The following ARSG variants were observed in gnomAD, a reference collection of about 807,000 sequenced individuals.
The protein encoded by ARSG is arylsulfatase G, also known as ASG.
In ARSG, 37 loss-of-function variants were observed where a neutral mutation model predicts 50.5. The ratio of observed to expected loss-of-function variants is 0.73; its 90% CI spans 0.56 to 0.96. ARSG has a LOEUF of 0.96. ARSG is among the 50% of genes least tolerant of loss of function. The pLI, the probability that ARSG is intolerant of heterozygous loss-of-function variation, is 0.00. For missense variants in ARSG, 629 were observed against 675.3 expected (o/e 0.93, Z 0.76); for synonymous variants, 225 against 254.6 (o/e 0.88, Z 1.11).
At chr17:68,407,898 T>G (rs1255125910) in intron 11 of ARSG, among the ~76,000 whole-genome samples, 1 of 152,126 alleles carries the variant, frequency 6.6e-6, no homozygotes, top group Non-Finnish European at 1.5e-5. Context: ...GGCTAGGACT[T>G]CCAGTAGTAT....
the ARSG span, among the ~76,000 whole-genome samples, chr17:68,434,306 G>T: frequency 1.8e-4 from 28 of 152,284 alleles, 1 homozygote; most frequent in African/African-American, 6.7e-4. Flanking sequence ...CATTTCTCCT[G>T]TGCCGGCCGC....
intron 1 of ARSG, among the ~76,000 whole-genome samples, chr17:68,272,963 G>T (rs1555749563): frequency 6.6e-6 from 1 of 151,554 alleles, no homozygotes; most frequent in African/African-American, 2.4e-5. Context: ...TTCAGTGGTT[G>T]TTTGGGATAC....
At chr17:68,269,830 T>C (rs2144927641) in intron 1 of ARSG, among the ~76,000 whole-genome samples, 1 of 152,078 alleles carries the variant, frequency 6.6e-6, no homozygotes, top group African/African-American at 2.4e-5. Flanking sequence ...TCTGCCACCA[T>C]GCCCAGCTAC....
At chr17:68,299,937 CTTTTTT>C (rs34778190) in intron 1 of ARSG, among the ~76,000 whole-genome samples, 1 of 137,992 alleles carries the variant, frequency 7.2e-6, no homozygotes, top group Non-Finnish European at 1.5e-5. Flanking sequence ...TTTGGTATTG[CTTTTTT>C]TTTTTTTTTT....
chr17:68,283,356 T>C (rs1270418416), intron 1 of ARSG, among the ~76,000 whole-genome samples: 1 of 151,066 alleles, frequency 6.6e-6, no homozygotes, highest in African/African-American at 2.4e-5. Flanking sequence ...CCGTCTCTAC[T>C]AAAAATACAA....
At chr17:68,277,618 T>C (rs952571213) in intron 1 of ARSG, among the ~76,000 whole-genome samples, 41 of 152,012 alleles carry the variant, frequency 2.7e-4, no homozygotes, top group Admixed American at 5.2e-4. Flanking sequence ...TCAGTAGAGA[T>C]GGGGTTTCGC....
chr17:68,417,522 A>G (rs2082448087), intron 11 of ARSG, among the ~76,000 whole-genome samples: 1 of 151,816 alleles, frequency 6.6e-6, no homozygotes, highest in African/African-American at 2.4e-5. Context: ...TTCATCTCTC[A>G]GACTTGTCCA....
At chr17:68,313,775 T>G (rs1599678579) in intron 2 of ARSG, among the ~76,000 whole-genome samples, 1 of 147,590 alleles carries the variant, frequency 6.8e-6, no homozygotes, top group South Asian at 2.2e-4. Flanking sequence ...CGCCTCCGGG[T>G]TCAAGCGATT....
At chr17:68,394,992 G>T in intron 9 of ARSG, 81 bp from the exon 10 acceptor site, 1 of 1,585,726 alleles carries the variant, frequency 6.3e-7, no homozygotes, top group Non-Finnish European at 8.6e-7. Flanking sequence ...GCTCTGGGCT[G>T]GTTCAGGTGG....
At chr17:68,421,461 A>G (rs1486369557), downstream of ARSG, 3 of 362,900 alleles carry the variant, frequency 8.3e-6, no homozygotes, top group Non-Finnish European at 1.5e-5. Flanking sequence ...CACGGCATAT[A>G]TTTAAAAAGG....
intron 2 of ARSG, among the ~76,000 whole-genome samples, chr17:68,333,366 G>T (rs573629233): frequency 6.6e-6 from 1 of 151,774 alleles, no homozygotes; most frequent in Non-Finnish European, 1.5e-5. Flanking sequence ...GGTGGCTCAC[G>T]CCTGTAATCC....
chr17:68,362,335 T>C (rs146483752), intron 6 of ARSG, among the ~76,000 whole-genome samples: 1 of 152,030 alleles, frequency 6.6e-6, no homozygotes, highest in Admixed American at 6.5e-5. Flanking sequence ...TCTTTCTCCT[T>C]TCTCCTGTTT....
chr17:68,320,872 G>T (rs1275986371), intron 2 of ARSG, among the ~76,000 whole-genome samples: 1 of 152,174 alleles, frequency 6.6e-6, no homozygotes, highest in Admixed American at 6.5e-5. Flanking sequence ...ATGCCTATGT[G>T]TATGTCGCAT....
At chr17:68,269,916 G>A (rs1170423670) in intron 1 of ARSG, among the ~76,000 whole-genome samples, 2 of 151,714 alleles carry the variant, frequency 1.3e-5, no homozygotes, top group Non-Finnish European at 2.9e-5. Flanking sequence ...CAAATGATCC[G>A]CCCGCCTCAT....
intron 9 of ARSG, among the ~76,000 whole-genome samples, chr17:68,385,652 A>G (rs919660692): frequency 4.0e-5 from 6 of 151,772 alleles, no homozygotes; most frequent in Non-Finnish European, 8.8e-5. Context: ...TGAAGAAGGG[A>G]TTGGTTGGTT....
rs151245194 is a variant in ARSG at position 68,399,017 on chromosome 17, G to A, written c.1213-2343G>A. On this transcript the variant is annotated intron_variant, in intron 10 of 11. Coordinates refer to ENST00000621439, the MANE Select transcript of ARSG (RefSeq NM_001267727.2). The surrounding 1 kb of genome is among the most constrained non-coding windows in gnomAD (Gnocchi z 4.6). ...TGGTAACATCATCACTGGTCAGGTCGTGTCTTAGCCCCAGGTTGTCATGAT... is the reference window on the plus strand; with the variant it reads ...TGGTAACATCATCACTGGTCAGGTCATGTCTTAGCCCCAGGTTGTCATGAT... Among the ~76,000 whole-genome samples the A allele has an allele frequency of 4.6e-5, 7 of 152,286 alleles. No individual in the cohort carries two copies. The East Asian group carries it at 7.7e-4, about 17-fold the overall frequency.
chr17:68,337,913 G>A (rs922861088), intron 2 of ARSG, among the ~76,000 whole-genome samples: 1 of 152,030 alleles, frequency 6.6e-6, no homozygotes, highest in East Asian at 1.9e-4. Flanking sequence ...CACTGCGCCC[G>A]GCCAGCAGAA....
chr17:68,403,757 G>A (rs899846191), intron 11 of ARSG, among the ~76,000 whole-genome samples: 1 of 152,002 alleles, frequency 6.6e-6, no homozygotes, highest in Admixed American at 6.6e-5. Flanking sequence ...TGTGCACAAC[G>A]TGCAGGTTTG....
the ARSG span, among the ~76,000 whole-genome samples, chr17:68,441,475 C>T: frequency 1.3e-5 from 2 of 152,190 alleles, no homozygotes; most frequent in Admixed American, 6.5e-5. Context: ...GTCACAGTTT[C>T]CATCTTATTT....
Sources: gnomAD v4.1 joint callset for allele counts (sites outside exome capture counted in the v4.1 genomes callset) on GRCh38, gnomAD v4.1.1 for gene constraint, Gnocchi (gnomAD v3.1) non-coding constraint, MANE v1.5 for transcripts, NCBI Gene and HGNC (gene_info 2026-07-23, HGNC 2026-07-21) for gene names.